The following STRA8 variants were observed in gnomAD, a reference collection of about 807,000 sequenced individuals.
STRA8 encodes stimulated by retinoic acid 8.
Under a neutral mutation model 37.1 loss-of-function variants are expected in STRA8, and 18 were observed. That is an observed-to-expected ratio of 0.48 (90% CI 0.34 to 0.72). The LOEUF is 0.72. Ranked by LOEUF, STRA8 falls within the 30% of genes least tolerant of loss-of-function variation. STRA8 has a pLI of 0.01. For missense variants in STRA8, 357 were observed against 410.4 expected (o/e 0.87, Z 1.13); for synonymous variants, 168 against 162.9 (o/e 1.03, Z -0.24).
chr7:135,241,320 G>A (rs1271316393), intron 2 of STRA8, among the ~76,000 whole-genome samples: 6 of 152,166 alleles, frequency 3.9e-5, no homozygotes, highest in Non-Finnish European at 7.4e-5. Context: ...GTATCATCAT[G>A]CAGCTGCGGT....
At chr7:135,239,025 G>C (rs1832420670) in intron 1 of STRA8, among the ~76,000 whole-genome samples, 1 of 152,204 alleles carries the variant, frequency 6.6e-6, no homozygotes, top group South Asian at 2.1e-4. Flanking sequence ...GCAAAACAAG[G>C]GAAAGTTGAT....
At chr7:135,252,743 T>TA in intron 7 of STRA8, among the ~76,000 whole-genome samples, 1 of 152,262 alleles carries the variant, frequency 6.6e-6, no homozygotes, top group South Asian at 2.1e-4. Context: ...CTTAAGTCCA[T>TA]TATATACTAA....
chr7:135,249,856 C>G (rs935252571), intron 6 of STRA8, among the ~76,000 whole-genome samples: 10 of 152,240 alleles, frequency 6.6e-5, no homozygotes, highest in Admixed American at 6.5e-4. Flanking sequence ...CTGGGTTTTT[C>G]AGGGAGGCCT....
chr7:135,234,147 C>G (rs1403555151), intron 1 of STRA8, among the ~76,000 whole-genome samples: 1 of 151,766 alleles, frequency 6.6e-6, no homozygotes, highest in African/African-American at 2.4e-5. Context: ...GCTCTTGTCA[C>G]CCAGGCTGGA....
chr7:135,255,856 C>A (rs1169558456), intron 8 of STRA8, among the ~76,000 whole-genome samples: 1 of 152,256 alleles, frequency 6.6e-6, no homozygotes, highest in East Asian at 1.9e-4. Flanking sequence ...GCCTGACTCT[C>A]AGCAGGCATT....
chr7:135,240,821 C>G (rs1218173544), intron 2 of STRA8, 105 bp downstream of exon 2: 2 of 1,289,402 alleles, frequency 1.6e-6, no homozygotes, highest in African/African-American at 1.5e-5. Context: ...GGAGCTGCCA[C>G]TTCTGCTGGG....
chr7:135,232,713 G>A (rs1185654047), upstream of STRA8, among the ~76,000 whole-genome samples: 1 of 152,118 alleles, frequency 6.6e-6, no homozygotes, highest in Non-Finnish European at 1.5e-5. Context: ...TTTATATGTG[G>A]GACATCATCT....
intron 8 of STRA8, 57 bp downstream of exon 8, chr7:135,255,282 G>T (rs995792750): frequency 3.8e-6 from 5 of 1,316,536 alleles, no homozygotes; most frequent in East Asian, 4.6e-5. Context: ...ATAGCAAAAA[G>T]GGCTCTTAAG....
Position 135,246,689 on chromosome 7 carries a change from C to G in STRA8, c.866C>G (p.Ser289Cys). ...DSQGASCSLV[S>C]TPEEILFEDA... The stretch of plus-strand genomic sequence containing the variant: ...CAGGGGGCCAGCTGCTCGCTGGTCT[C>G]CACGCCCGAGGAGGTGAGCAGGCCC... Residue 289 changes from serine to cysteine, a missense_variant, in exon 6 of 9, where the codon TCC (serine) becomes TGC (cysteine). Ser to Cys is a moderately radical substitution (Grantham distance 112, BLOSUM62 -1). Coordinates refer to ENST00000662584, the MANE Select transcript of STRA8 (RefSeq NM_001394401.1). This position sits in a 1 kb window ranked among gnomAD's most constrained non-coding sequence, Gnocchi z 5.4. 1 of 1,525,742 alleles carries G rather than the reference C, an allele frequency of 6.6e-7. No individual in the cohort carries two copies. The highest frequency in any genetic ancestry group is 8.7e-7 in the Non-Finnish European group (1 of 1,143,532). 94.5% of individuals were successfully genotyped at this position (1,525,742 alleles called of 1,614,324 possible).
chr7:135,242,141 G>A (rs1286209312), intron 2 of STRA8, among the ~76,000 whole-genome samples: 1 of 132,272 alleles, frequency 7.6e-6, no homozygotes, highest in Non-Finnish European at 1.6e-5. Flanking sequence ...GAGGAAGGGA[G>A]GAAGGAAGGA....
At chr7:135,235,623 TA>T (rs1476798366) in intron 1 of STRA8, among the ~76,000 whole-genome samples, 1 of 152,034 alleles carries the variant, frequency 6.6e-6, no homozygotes, top group Non-Finnish European at 1.5e-5. Context: ...CTATTTTTAG[TA>T]AGAGACGGGG....
intron 8 of STRA8, among the ~76,000 whole-genome samples, chr7:135,257,483 G>A (rs1024167558): frequency 6.6e-6 from 1 of 151,644 alleles, no homozygotes; most frequent in African/African-American, 2.4e-5. Context: ...GTGTAGTCAT[G>A]GTGTGATCTT....
At chr7:135,242,718 G>T in intron 2 of STRA8, 63 bp from the exon 3 acceptor site, 9 of 1,545,466 alleles carry the variant, frequency 5.8e-6, no homozygotes, top group Non-Finnish European at 8.0e-6. Flanking sequence ...GGATTCCTGG[G>T]TCCACAAAAT....
upstream of STRA8, chr7:135,231,975 A>G (rs1250691857): frequency 6.2e-7 from 1 of 1,614,104 alleles, no homozygotes; most frequent in Non-Finnish European, 8.5e-7. Context: ...TCTGCCTTGC[A>G]GCTATGGGGA....
Position 135,246,233 on chromosome 7 carries a change from A to C in STRA8, c.594-184A>C, listed in dbSNP as rs1479057214. The C allele has an allele frequency of 3.9e-6, 3 of 777,944 alleles. No homozygotes were observed. The highest frequency in any genetic ancestry group is 6.1e-6 in the Non-Finnish European group (3 of 490,916). The allele number at this position is 777,944 out of a possible 1,614,324, so 48.2% of individuals were successfully genotyped here. ...CCCAAAGCCCAAGTCTATGTCCTTCATGGCCCCCAGGAAGGCTGCTGCTCT... is the reference window on the plus strand; with the variant it reads ...CCCAAAGCCCAAGTCTATGTCCTTCCTGGCCCCCAGGAAGGCTGCTGCTCT... On this transcript the variant is annotated intron_variant, in intron 5 of 8. Coordinates refer to ENST00000662584, the MANE Select transcript of STRA8 (RefSeq NM_001394401.1). This position sits in a 1 kb window ranked among gnomAD's most constrained non-coding sequence, Gnocchi z 5.4.
Position 135,233,887 on chromosome 7 carries a change from G to T in STRA8, c.-23G>T, listed in dbSNP as rs1020794017. Among the ~76,000 whole-genome samples, 3 of 152,138 alleles carry T rather than the reference G, an allele frequency of 2.0e-5. No individual in the cohort carries two copies. The highest frequency in any genetic ancestry group is 4.1e-4 in the South Asian group (2 of 4,832). On this transcript the variant is annotated 5_prime_UTR_variant, in exon 1 of 9. Coordinates refer to ENST00000662584, the MANE Select transcript of STRA8 (RefSeq NM_001394401.1). ...CTGCTGTCCCGGGAGTGGGGACGTC[G>T]CGTGCACCGTTGGCGAGTAAGTATC...
intron 1 of STRA8, 130 bp from the exon 2 acceptor site, chr7:135,240,389 G>A (rs1286794989): frequency 2.5e-6 from 2 of 793,028 alleles, no homozygotes; most frequent in Admixed American, 2.8e-5. Context: ...GAATTCATGA[G>A]GGAGTGAATT....
At chr7:135,253,993 C>T (rs934947901) in intron 7 of STRA8, among the ~76,000 whole-genome samples, 1 of 152,182 alleles carries the variant, frequency 6.6e-6, no homozygotes, top group Non-Finnish European at 1.5e-5. Context: ...CACACATCAA[C>T]ATTTTCCCTC....
chr7:135,251,174 T>C (rs1832629261), intron 6 of STRA8, among the ~76,000 whole-genome samples: 1 of 152,258 alleles, frequency 6.6e-6, no homozygotes, highest in Admixed American at 6.5e-5. Flanking sequence ...AAGTGGATAA[T>C]GTTCAAATGT....
Sources: allele counts gnomAD v4.1 joint callset (sites outside exome capture counted in the v4.1 genomes callset), GRCh38; gene constraint gnomAD v4.1.1; non-coding constraint Gnocchi (gnomAD v3.1); transcripts MANE v1.5; gene names NCBI Gene and HGNC (gene_info 2026-07-23, HGNC 2026-07-21).